The following LRMDA variants were observed in gnomAD, a reference collection of about 807,000 sequenced individuals.
The protein encoded by LRMDA is leucine-rich melanocyte differentiation-associated protein.
A neutral mutation model predicts 29.8 loss-of-function variants in LRMDA; 18 were observed. The ratio of observed to expected loss-of-function variants is 0.60; its 90% CI spans 0.42 to 0.90. The LOEUF is 0.90. Among genes scored for constraint, LRMDA ranks in the 40% least tolerant of loss-of-function variants. The pLI is 0.00. For missense variants in LRMDA, 273 were observed against 273.9 expected, an observed-to-expected ratio of 1.00 and a Z score of 0.02; for synonymous variants, 125 against 109.4, an observed-to-expected ratio of 1.14 and a Z score of -0.89.
At chr10:75,857,711 C>G (rs1314375727) in intron 2 of LRMDA, among the ~76,000 whole-genome samples, 1 of 152,186 alleles carries the variant, frequency 6.6e-6, no homozygotes, top group Non-Finnish European at 1.5e-5. Context: ...GTGTTGCAAA[C>G]TGTAGATGCA....
At chr10:76,142,662 GA>G (rs934256629) in intron 5 of LRMDA, among the ~76,000 whole-genome samples, 1 of 144,152 alleles carries the variant, frequency 6.9e-6, no homozygotes, top group African/African-American at 2.7e-5. Flanking sequence ...TTCTCCAGAA[GA>G]TGGTCATTAT....
chr10:76,018,026 A>G (rs184232575), intron 2 of LRMDA, among the ~76,000 whole-genome samples: 186 of 152,318 alleles, frequency 1.2e-3, no homozygotes, highest in African/African-American at 4.4e-3. Flanking sequence ...CTCTTCCACC[A>G]CTGTGGGGGC....
intron 6 of LRMDA, among the ~76,000 whole-genome samples, chr10:76,454,446 C>G (rs913888942): frequency 6.6e-6 from 1 of 152,118 alleles, no homozygotes; most frequent in Non-Finnish European, 1.5e-5. Context: ...TTTGTACCAA[C>G]TTGGCTATCC....
intron 2 of LRMDA, among the ~76,000 whole-genome samples, chr10:75,920,605 A>C (rs773492996): frequency 6.6e-6 from 1 of 152,208 alleles, no homozygotes; most frequent in Non-Finnish European, 1.5e-5. Flanking sequence ...ATTCCCAAGG[A>C]TAGTCACATA....
At chr10:76,139,707 A>G (rs1385443724) in intron 5 of LRMDA, among the ~76,000 whole-genome samples, 3 of 152,178 alleles carry the variant, frequency 2.0e-5, no homozygotes, top group Non-Finnish European at 4.4e-5. Flanking sequence ...AACTTGTTTT[A>G]GAATTATGAC....
chr10:75,595,882 T>A (rs1052172468), intron 2 of LRMDA, among the ~76,000 whole-genome samples: 5 of 152,230 alleles, frequency 3.3e-5, no homozygotes, highest in African/African-American at 1.2e-4. Context: ...TTTTCAGAGA[T>A]GATTCTCTTC....
At chr10:76,456,004 C>A (rs80086480) in intron 6 of LRMDA, among the ~76,000 whole-genome samples, 2,309 of 152,216 alleles carry the variant, frequency 0.015, 28 homozygotes, top group Non-Finnish European at 0.022. Flanking sequence ...GCCAACCCTG[C>A]TAGTATTTCT....
At chr10:76,521,404 G>A (rs1843119967) in intron 6 of LRMDA, among the ~76,000 whole-genome samples, 1 of 152,164 alleles carries the variant, frequency 6.6e-6, no homozygotes. Flanking sequence ...AAAGTGCTGG[G>A]ATTACAGGCG....
chr10:76,188,530 C>T (rs938293108), intron 5 of LRMDA, among the ~76,000 whole-genome samples: 5 of 152,120 alleles, frequency 3.3e-5, no homozygotes, highest in African/African-American at 1.2e-4. Context: ...TTCCCTCTTG[C>T]GGGGCCTTTG....
At chr10:76,145,145 A>G (rs1850288390) in intron 5 of LRMDA, among the ~76,000 whole-genome samples, 1 of 152,202 alleles carries the variant, frequency 6.6e-6, no homozygotes, top group South Asian at 2.1e-4. Context: ...ATATTGGTCT[A>G]AAATTCTCTT....
chr10:76,396,782 A>G (rs1302518289), intron 6 of LRMDA, among the ~76,000 whole-genome samples: 1 of 152,216 alleles, frequency 6.6e-6, no homozygotes, highest in African/African-American at 2.4e-5. Context: ...CCAATGAATT[A>G]TTGTGTCTTT....
At chr10:75,703,381 C>A (rs758989270) in intron 2 of LRMDA, among the ~76,000 whole-genome samples, 1 of 152,216 alleles carries the variant, frequency 6.6e-6, no homozygotes, top group African/African-American at 2.4e-5. Context: ...GTTCCGTTTT[C>A]TCTTCCAGGC....
intron 2 of LRMDA, among the ~76,000 whole-genome samples, chr10:75,675,248 C>T (rs1311716545): frequency 6.6e-6 from 1 of 152,182 alleles, no homozygotes; most frequent in African/African-American, 2.4e-5. Flanking sequence ...ATTGTGTGAG[C>T]AGGATCTTAA....
chr10:75,740,153 A>G (rs1339512374), intron 2 of LRMDA, among the ~76,000 whole-genome samples: 1 of 152,252 alleles, frequency 6.6e-6, no homozygotes, highest in Admixed American at 6.5e-5. Flanking sequence ...AATAAAATAA[A>G]TGCGTGCTTT....
At chr10:76,371,379 G>A (rs1281105245) in intron 6 of LRMDA, among the ~76,000 whole-genome samples, 1 of 152,110 alleles carries the variant, frequency 6.6e-6, no homozygotes, top group Non-Finnish European at 1.5e-5. Flanking sequence ...AACACAGTAT[G>A]AGTTTAGTGT....
intron 5 of LRMDA, among the ~76,000 whole-genome samples, chr10:76,129,687 G>A (rs1000664513): frequency 2.0e-5 from 3 of 152,064 alleles, no homozygotes; most frequent in African/African-American, 7.2e-5. Context: ...CTCAGTGTGG[G>A]GTTCCACAGT....
At chr10:75,523,760 C>T (rs548102294) in intron 2 of LRMDA, among the ~76,000 whole-genome samples, 2 of 152,278 alleles carry the variant, frequency 1.3e-5, no homozygotes, top group African/African-American at 2.4e-5. Context: ...AGTCCAGGGC[C>T]GGGGCAGACT....
intron 6 of LRMDA, among the ~76,000 whole-genome samples, chr10:76,401,544 G>A (rs1294369614): frequency 6.6e-6 from 1 of 152,142 alleles, no homozygotes; most frequent in East Asian, 1.9e-4. Context: ...GAATTTGCCA[G>A]TGCCTTCTGC....
intron 6 of LRMDA, among the ~76,000 whole-genome samples, chr10:76,477,953 A>C (rs1028348304): frequency 6.6e-6 from 1 of 152,176 alleles, no homozygotes; most frequent in Non-Finnish European, 1.5e-5. Flanking sequence ...AAAACCCTAG[A>C]AGAAAACCTA....
Sources: allele counts gnomAD v4.1 joint callset (sites outside exome capture counted in the v4.1 genomes callset), GRCh38; gene constraint gnomAD v4.1.1; transcripts MANE v1.5; gene names NCBI Gene and HGNC (gene_info 2026-07-23, HGNC 2026-07-21).